ANKRD26: variants seen among roughly 807,000 people sequenced by gnomAD.
ANKRD26 encodes the protein ankyrin repeat domain 26.
A neutral mutation model predicts 208.7 loss-of-function variants in ANKRD26; 141 were observed. The ratio of observed to expected loss-of-function variants is 0.68; its 90% CI spans 0.59 to 0.78. The LOEUF is 0.78. Ranked by LOEUF, ANKRD26 falls within the 30% of genes least tolerant of loss-of-function variation. The pLI, the probability that ANKRD26 is intolerant of heterozygous loss-of-function variation, is 0.00. For synonymous variants in ANKRD26, 636 were observed against 660.4 expected (o/e 0.96, Z 0.57); for missense variants, 1,889 against 1,938.7 (o/e 0.97, Z 0.48).
At position 27,066,507 on chromosome 10, in the gene ANKRD26, C is replaced by G. The variant is rs771605583; in HGVS notation, c.1249G>C (p.Glu417Gln). Residue 417 changes from glutamate (E) to glutamine (Q), a missense_variant, in exon 11 of 34, where the codon GAA (glutamate) becomes CAA (glutamine). Glu to Gln is a conservative substitution (Grantham distance 29). Transcript: ENST00000376087. The part of the protein sequence containing the change: ...ALGLGQEEDI[E>Q]SPWDSESISE... ...AGTACCTCAGAATCCCAAGGTGATT[C>G]TATATCTTCCTCTTGTCCTAATCCT... 4 of 1,599,450 alleles carry G rather than the reference C, an allele frequency of 2.5e-6. No homozygotes were observed. Among genetic ancestry groups the G allele is most frequent in the African/African-American group, 2.7e-5 (2 of 74,678 alleles).
downstream of ANKRD26, among the ~76,000 whole-genome samples, chr10:26,988,788 A>G (rs2052434404): frequency 6.6e-6 from 1 of 151,786 alleles, no homozygotes; most frequent in Non-Finnish European, 1.5e-5. Context: ...GCTCACACCT[A>G]TAGACCCAGC....
chr10:27,024,382 C>T, intron 28 of ANKRD26, 65 bp downstream of exon 28: 1 of 874,756 alleles, frequency 1.1e-6, no homozygotes, highest in Admixed American at 2.3e-5. Flanking sequence ...TAGTTTTGAA[C>T]AAAGTAAAAT....
At chr10:26,979,797 G>C (rs1324907532) in intron 5 of ANKRD26, among the ~76,000 whole-genome samples, 1 of 152,198 alleles carries the variant, frequency 6.6e-6, no homozygotes, top group African/African-American at 2.4e-5. Flanking sequence ...TGTTTAAGGT[G>C]TCTTGGTCTT....
intron 9 of ANKRD26, 146 bp from the exon 10 acceptor site, chr10:27,067,432 T>G (rs1350219392): frequency 3.5e-5 from 32 of 924,678 alleles, no homozygotes; most frequent in Non-Finnish European, 4.9e-5. Flanking sequence ...TTTTTTTTTT[T>G]TAAAGAAACA....
At chr10:26,990,480 C>T (rs1254060596), downstream of ANKRD26, among the ~76,000 whole-genome samples, 1 of 152,128 alleles carries the variant, frequency 6.6e-6, no homozygotes, top group Non-Finnish European at 1.5e-5. Flanking sequence ...CAGTTTGGTC[C>T]ACCCATATCA....
At chr10:27,094,197 G>T (rs973801896) in intron 1 of ANKRD26, among the ~76,000 whole-genome samples, 5 of 152,156 alleles carry the variant, frequency 3.3e-5, no homozygotes, top group African/African-American at 1.2e-4. Context: ...CAACCAGGCT[G>T]AACTGTGAGT....
chr10:27,033,454 A>G, intron 24 of ANKRD26, 77 bp from the exon 25 acceptor site: 12 of 1,397,610 alleles, frequency 8.6e-6, no homozygotes, highest in Non-Finnish European at 1.2e-5. Context: ...TATGTTAATA[A>G]TATTTAACTA....
intron 29 of ANKRD26, among the ~76,000 whole-genome samples, chr10:27,022,062 T>C (rs918236527): frequency 2.6e-5 from 4 of 152,224 alleles, no homozygotes; most frequent in Non-Finnish European, 5.9e-5. Context: ...TCTATCAATT[T>C]TTGCTTTTGT....
At position 27,014,234 on chromosome 10, in the gene ANKRD26, T is replaced by G. The variant is rs2053214888; in HGVS notation, c.4724+260A>C. Among the ~76,000 whole-genome samples, 4 of 150,432 alleles carry G rather than the reference T, an allele frequency of 2.7e-5. No individual in the cohort carries two copies. The South Asian group carries it at 8.3e-4, about 31-fold the overall frequency. Reference sequence around the variant, plus strand: ...TAAATTACAAAGTTTTAAAAGCACATAGCTGAAAGACATAGATCCAGTTAA... The same window carrying G: ...TAAATTACAAAGTTTTAAAAGCACAGAGCTGAAAGACATAGATCCAGTTAA... On this transcript the variant is annotated intron_variant, in intron 31 of 33. Coordinates refer to ENST00000376087, the MANE Select transcript of ANKRD26 (RefSeq NM_014915.3).
chr10:27,042,709 C>T lies in ANKRD26; in HGVS notation c.2161+717G>A, dbSNP rs545565686. On this transcript the variant is annotated intron_variant, in intron 20 of 33. Coordinates refer to ENST00000376087, the MANE Select transcript of ANKRD26 (RefSeq NM_014915.3). ...CAGACCTTGCAGTGAGCGGAGATCG[C>T]GCCACTGCACTCCAGCCTGGACGAC... is the stretch of plus-strand genomic sequence containing the variant. 1.7e-4 allele frequency among the ~76,000 whole-genome samples: 25 copies of T among 151,056 alleles called. No individual in the cohort carries two copies. The South Asian group carries it at 3.3e-3, about 20-fold the overall frequency.
At chr10:26,948,588 T>C in the ANKRD26 span, among the ~76,000 whole-genome samples, 50,317 of 152,144 alleles carry the variant, frequency 0.33, 10,596 homozygotes, top group Non-Finnish European at 0.47. Flanking sequence ...AACATATTCT[T>C]TGAAATATCT....
intron 3 of ANKRD26, among the ~76,000 whole-genome samples, chr10:26,985,768 A>C (rs1033688498): frequency 9.9e-5 from 15 of 152,178 alleles, no homozygotes; most frequent in Non-Finnish European, 2.9e-5. Context: ...TCCCAAAGTC[A>C]TGAGCAACAC....
At chr10:27,042,966 A>G (rs996791813) in intron 20 of ANKRD26, among the ~76,000 whole-genome samples, 4 of 151,246 alleles carry the variant, frequency 2.6e-5, no homozygotes, top group African/African-American at 9.7e-5. Context: ...AAAAAAAAAA[A>G]AAAGACCTAA....
chr10:27,086,764 T>G lies in ANKRD26; in HGVS notation c.639-155A>C, dbSNP rs544130434. ...TCAAATATGTAAGCTCTACAAACTT[T>G]TTTGTTTTTTTTTTTTTTTTTTTTT... is the stretch of plus-strand genomic sequence containing the variant. On this transcript the variant is annotated intron_variant, in intron 4 of 33. Transcript: ENST00000376087. Among the ~76,000 whole-genome samples, 18 of 124,802 alleles carry G rather than the reference T, an allele frequency of 1.4e-4. No individual in the cohort carries two copies. The South Asian group carries it at 2.2e-3, about 15-fold the overall frequency. 81.9% of individuals were successfully genotyped at this position (124,802 alleles called of 152,430 possible).
chr10:26,983,777 C>T (rs1480655856), intron 3 of ANKRD26, among the ~76,000 whole-genome samples: 1 of 152,162 alleles, frequency 6.6e-6, no homozygotes, highest in East Asian at 1.9e-4. Flanking sequence ...AAGCTTTTCC[C>T]ATGTGCCTTT....
At chr10:27,074,209 T>C (rs892920478) in intron 9 of ANKRD26, among the ~76,000 whole-genome samples, 1 of 152,044 alleles carries the variant, frequency 6.6e-6, no homozygotes, top group Non-Finnish European at 1.5e-5. Context: ...AGATAAAGAA[T>C]TCAAAAGGTT....
At chr10:27,076,090 C>G (rs1465027489) in intron 9 of ANKRD26, among the ~76,000 whole-genome samples, 1 of 152,046 alleles carries the variant, frequency 6.6e-6, no homozygotes, top group Non-Finnish European at 1.5e-5. Context: ...AAACCTCTTA[C>G]AGCAAATCAG....
Position 27,006,967 on chromosome 10 carries a change from A to C in ANKRD26, c.4954-5T>G. On this transcript the variant is annotated splice_polypyrimidine_tract_variant and splice_region_variant and intron_variant, in intron 32 of 33. Transcript: ENST00000376087. ...TTTTTCCAACTCCTGCTGCATCTGA[A>C]AAAAGTCAAATGTTATTTATAATGT... is the stretch of plus-strand genomic sequence containing the variant. The C allele has an allele frequency of 6.2e-7, 1 of 1,603,300 alleles. No individual in the cohort carries two copies. The highest frequency in any genetic ancestry group is 8.5e-7 in the Non-Finnish European group (1 of 1,171,434).
chr10:27,038,881 TA>T (rs1217827627), intron 21 of ANKRD26, among the ~76,000 whole-genome samples: 2 of 152,192 alleles, frequency 1.3e-5, no homozygotes, highest in Non-Finnish European at 2.9e-5. Context: ...AATTAAAGAT[TA>T]GGCTAACGAG....
Sources: gnomAD v4.1 joint callset for allele counts (sites outside exome capture counted in the v4.1 genomes callset) on GRCh38, gnomAD v4.1.1 for gene constraint, MANE v1.5 for transcripts, NCBI Gene and HGNC (gene_info 2026-07-23, HGNC 2026-07-21) for gene names.